CDH12: variants seen among roughly 807,000 people sequenced by gnomAD.
CDH12 encodes cadherin-12.
CDH12 carries 41 observed loss-of-function variants against 74.1 expected under a neutral mutation model. The observed-to-expected ratio is 0.55, with a 90% CI of 0.43 to 0.72. The LOEUF (loss-of-function observed/expected upper bound fraction) is 0.72, where lower values mean the gene tolerates loss of function less well. Among genes scored for constraint, CDH12 ranks in the 30% least tolerant of loss-of-function variants. The pLI is 0.00. For synonymous variants in CDH12, 399 were observed against 355.0 expected (o/e 1.12, Z -1.39); for missense variants, 945 against 977.2 (o/e 0.97, Z 0.44).
intron 1 of CDH12, among the ~76,000 whole-genome samples, chr5:22,612,127 A>C (rs918254450): frequency 6.6e-6 from 1 of 152,144 alleles, no homozygotes; most frequent in African/African-American, 2.4e-5. Context: ...TGCTAATTTA[A>C]ATAGCCATGT....
intron 1 of CDH12, among the ~76,000 whole-genome samples, chr5:22,518,620 A>G (rs1447249430): frequency 6.6e-6 from 1 of 152,238 alleles, no homozygotes; most frequent in Non-Finnish European, 1.5e-5. Flanking sequence ...TCTTTCAACC[A>G]TGCCTTTTCT....
chr5:22,377,578 T>C (rs1741586418), intron 3 of CDH12, among the ~76,000 whole-genome samples: 1 of 152,174 alleles, frequency 6.6e-6, no homozygotes, highest in Non-Finnish European at 1.5e-5. Flanking sequence ...TTCAAAACTG[T>C]ATAGCAAAGA....
chr5:22,771,935 C>T (rs1009337751), intron 1 of CDH12, among the ~76,000 whole-genome samples: 1 of 152,026 alleles, frequency 6.6e-6, no homozygotes, highest in African/African-American at 2.4e-5. Context: ...CACACACGCA[C>T]ACATATATGT....
At chr5:22,176,687 C>T (rs1188411421) in intron 4 of CDH12, among the ~76,000 whole-genome samples, 27 of 152,136 alleles carry the variant, frequency 1.8e-4, no homozygotes, top group Admixed American at 1.8e-3. Context: ...TCTTGTCTCT[C>T]TGCTTCTGCT....
At chr5:22,594,713 T>A (rs930149763) in intron 1 of CDH12, among the ~76,000 whole-genome samples, 9 of 152,286 alleles carry the variant, frequency 5.9e-5, no homozygotes, top group Non-Finnish European at 1.0e-4. Context: ...TGGAAACAAC[T>A]ATGTATTTAT....
At chr5:22,485,955 A>T (rs1275416412) in intron 2 of CDH12, among the ~76,000 whole-genome samples, 1 of 152,236 alleles carries the variant, frequency 6.6e-6, no homozygotes, top group Non-Finnish European at 1.5e-5. Flanking sequence ...TTTCTGGTCC[A>T]ATAGTGGCAT....
At chr5:21,938,717 A>AATATAAATATATATATATAT (rs1554046002) in intron 6 of CDH12, among the ~76,000 whole-genome samples, 1 of 106,702 alleles carries the variant, frequency 9.4e-6, no homozygotes, top group Non-Finnish European at 1.8e-5. Context: ...TTATATATAT[A>AATATAAATATATATATATAT]ATATACATAT....
chr5:21,972,283 T>C (rs1194089950), intron 6 of CDH12, among the ~76,000 whole-genome samples: 5 of 152,170 alleles, frequency 3.3e-5, no homozygotes, highest in Non-Finnish European at 7.4e-5. Flanking sequence ...ACAGAAGCAC[T>C]CTCAATTATT....
intron 1 of CDH12, among the ~76,000 whole-genome samples, chr5:22,719,789 CA>C (rs35660915): frequency 6.6e-6 from 1 of 152,024 alleles, no homozygotes; most frequent in Admixed American, 6.5e-5. Flanking sequence ...ACATGGTTTC[CA>C]AAAAGATCTT....
At chr5:22,154,309 C>T (rs907196646) in intron 4 of CDH12, among the ~76,000 whole-genome samples, 2 of 151,306 alleles carry the variant, frequency 1.3e-5, no homozygotes, top group Non-Finnish European at 2.9e-5. Context: ...CTATAGTCAC[C>T]ATGCTCTACA....
intron 5 of CDH12, among the ~76,000 whole-genome samples, chr5:22,010,001 G>T (rs1457119850): frequency 7.0e-6 from 1 of 142,738 alleles, no homozygotes; most frequent in Admixed American, 7.0e-5. Context: ...AAGAAAGAAA[G>T]AAAAGTTCTA....
chr5:22,483,770 A>ATATATATATATATAT (rs1400461763), intron 2 of CDH12, among the ~76,000 whole-genome samples: 213 of 100,914 alleles, frequency 2.1e-3, no homozygotes, highest in Non-Finnish European at 2.5e-3. Flanking sequence ...ATATAAATTT[A>ATATATATATATATAT]ATTAATTGGG....
At chr5:22,265,827 A>G (rs550754857) in intron 3 of CDH12, among the ~76,000 whole-genome samples, 1 of 152,140 alleles carries the variant, frequency 6.6e-6, no homozygotes, top group Non-Finnish European at 1.5e-5. Context: ...ATAAAGCAAT[A>G]TGAACAGGTA....
chr5:22,813,124 GA>G (rs1210486989), intron 1 of CDH12, among the ~76,000 whole-genome samples: 1 of 151,870 alleles, frequency 6.6e-6, no homozygotes, highest in Non-Finnish European at 1.5e-5. Flanking sequence ...ACGACCTACT[GA>G]AAAAAAATTT....
intron 1 of CDH12, among the ~76,000 whole-genome samples, chr5:22,835,209 C>G (rs141328250): frequency 5.8e-4 from 88 of 152,130 alleles, no homozygotes; most frequent in Middle Eastern, 3.4e-3. Flanking sequence ...TGTCTACACT[C>G]TGTTCACATA....
At chr5:21,827,590 C>T (rs546558064) in intron 8 of CDH12, among the ~76,000 whole-genome samples, 1 of 152,254 alleles carries the variant, frequency 6.6e-6, no homozygotes, top group East Asian at 1.9e-4. Context: ...AGTTCTACTA[C>T]TTATTATGTT....
intron 2 of CDH12, among the ~76,000 whole-genome samples, chr5:22,432,362 G>A (rs983696329): frequency 1.1e-4 from 17 of 152,078 alleles, no homozygotes; most frequent in African/African-American, 4.1e-4. Flanking sequence ...ATTGCCTAAA[G>A]ATGCATCTCT....
rs1217219418 is a variant in CDH12, at chr5:22,343,327, G to GACACACACAC, written c.-333+61929_-333+61930insGTGTGTGTGT. Among the ~76,000 whole-genome samples the GACACACACAC allele has an allele frequency of 3.7e-3, 419 of 112,464 alleles. 1 individual carries two copies. The highest frequency in any genetic ancestry group is 0.015 in the South Asian group (45 of 2,992). 73.8% of individuals were successfully genotyped at this position (112,464 alleles called of 152,430 possible). A position where few individuals can be genotyped will look rare whatever the true frequency, so the allele number is the denominator to read the frequency against. ...ACACACACACAGACACACACACAGAGAGAGAGAGAGAGAGAGAGAGAGAGA... is the reference window on the plus strand; with the variant it reads ...ACACACACACAGACACACACACAGAGACACACACACAGAGAGAGAGAGAGAGAGAGAGAGA... On this transcript the variant is annotated intron_variant, in intron 3 of 14. Coordinates refer to ENST00000382254, the MANE Select transcript of CDH12 (RefSeq NM_004061.5).
At chr5:22,491,495 A>G (rs1300715469) in intron 2 of CDH12, among the ~76,000 whole-genome samples, 1 of 152,050 alleles carries the variant, frequency 6.6e-6, no homozygotes, top group African/African-American at 2.4e-5. Context: ...ATAACATATC[A>G]AAGACTAGAT....
Sources: allele counts gnomAD v4.1 joint callset (sites outside exome capture counted in the v4.1 genomes callset), GRCh38; gene constraint gnomAD v4.1.1; transcripts MANE v1.5; gene names NCBI Gene and HGNC (gene_info 2026-07-23, HGNC 2026-07-21).